LTBP1: variants seen among roughly 807,000 people sequenced by gnomAD.
The protein encoded by LTBP1 is latent transforming growth factor beta binding protein 1.
A neutral mutation model predicts 207.6 loss-of-function variants in LTBP1; 129 were observed. The ratio of observed to expected loss-of-function variants is 0.62; its 90% CI spans 0.54 to 0.72. LTBP1 has a LOEUF of 0.72. Ranked by LOEUF, LTBP1 falls within the 30% of genes least tolerant of loss-of-function variation. LTBP1 has a pLI of 0.00. For synonymous variants in LTBP1, 963 were observed against 833.7 expected, an observed-to-expected ratio of 1.16 and a Z score of -2.67; for missense variants, 2,281 against 2,217.2, an observed-to-expected ratio of 1.03 and a Z score of -0.58.
chr2:33,170,629 C>T (rs2085346334), intron 5 of LTBP1, among the ~76,000 whole-genome samples: 2 of 152,004 alleles, frequency 1.3e-5, no homozygotes, highest in Non-Finnish European at 2.9e-5. Context: ...ACTTAAATGT[C>T]CCTGTCTGAC....
chr2:33,137,055 G>A (rs1431596865), intron 5 of LTBP1, among the ~76,000 whole-genome samples: 1 of 152,058 alleles, frequency 6.6e-6, no homozygotes, highest in East Asian at 1.9e-4. Context: ...TTCAAATATT[G>A]GATAGTTTGA....
rs763384851 is a variant in LTBP1 at position 33,283,427 on chromosome 2, C to CTT, written c.3112+3295_3112+3296dup. Among the ~76,000 whole-genome samples, 276 of 68,914 alleles carry CTT rather than the reference C, an allele frequency of 4.0e-3. 40 individuals are homozygous for CTT. The highest frequency in any genetic ancestry group is 0.013 in the African/African-American group (209 of 16,678). The allele number at this position is 68,914 out of a possible 152,430, so 45.2% of individuals were successfully genotyped here. A position where few individuals can be genotyped will look rare whatever the true frequency, so the allele number is the denominator to read the frequency against. ...AAATTCTCCGTGATAACATTAAAGA[C>CTT]TTTTTTTTTTTTTTTTTTTTTTTTT... On this transcript the variant is annotated intron_variant, in intron 19 of 33. Transcript: ENST00000404816.
chr2:33,345,181 C>T (rs980625371), intron 25 of LTBP1, among the ~76,000 whole-genome samples: 2 of 152,212 alleles, frequency 1.3e-5, no homozygotes, highest in Admixed American at 1.3e-4. Context: ...CAGCTATTTG[C>T]TCCAGTATCA....
intron 19 of LTBP1, among the ~76,000 whole-genome samples, chr2:33,283,682 C>A (rs541131201): frequency 6.6e-6 from 1 of 152,010 alleles, no homozygotes; most frequent in Non-Finnish European, 1.5e-5. Context: ...GTGATCCACC[C>A]GCCTCGGCCT....
intron 5 of LTBP1, among the ~76,000 whole-genome samples, chr2:33,155,376 A>G (rs2083892661): frequency 6.6e-6 from 1 of 152,182 alleles, no homozygotes; most frequent in South Asian, 2.1e-4. Context: ...TCTCTAATAC[A>G]GATTATTAAA....
At chr2:33,253,587 G>A (rs2092742804) in intron 11 of LTBP1, among the ~76,000 whole-genome samples, 1 of 152,150 alleles carries the variant, frequency 6.6e-6, no homozygotes, top group African/African-American at 2.4e-5. Context: ...CTTACTTGGG[G>A]TGGACATTAA....
chr2:33,119,801 T>G (rs1021285714), intron 4 of LTBP1, among the ~76,000 whole-genome samples: 5 of 152,126 alleles, frequency 3.3e-5, no homozygotes, highest in Middle Eastern at 3.2e-3. Flanking sequence ...CTCGTGATCC[T>G]CCCGCCTTGG....
At chr2:33,106,710 T>G (rs542554081) in intron 3 of LTBP1, among the ~76,000 whole-genome samples, 15 of 152,126 alleles carry the variant, frequency 9.9e-5, no homozygotes, top group Non-Finnish European at 2.1e-4. Context: ...CAGGCTATGT[T>G]GTTGTAGAGC....
intron 11 of LTBP1, among the ~76,000 whole-genome samples, chr2:33,256,441 G>C (rs924816285): frequency 6.6e-6 from 1 of 151,898 alleles, no homozygotes; most frequent in Non-Finnish European, 1.5e-5. Context: ...GAAGCAAACT[G>C]TGAGGATTTC....
At chr2:33,174,796 T>A (rs1045710794) in intron 5 of LTBP1, among the ~76,000 whole-genome samples, 21 of 152,088 alleles carry the variant, frequency 1.4e-4, no homozygotes, top group Non-Finnish European at 2.4e-4. Context: ...ATGGTACTGG[T>A]ACCAAAACAG....
intron 8 of LTBP1, among the ~76,000 whole-genome samples, chr2:33,219,859 AT>A (rs923799107): frequency 6.1e-4 from 88 of 145,392 alleles, no homozygotes; most frequent in African/African-American, 1.8e-3. Flanking sequence ...CTGTCCTTTT[AT>A]TTTTTTTTTA....
chr2:33,064,226 G>T (rs1283036082), intron 3 of LTBP1, among the ~76,000 whole-genome samples: 1 of 152,102 alleles, frequency 6.6e-6, no homozygotes, highest in African/African-American at 2.4e-5. Flanking sequence ...CTAATATATA[G>T]AAATACATTT....
At position 33,134,104 on chromosome 2, in the gene LTBP1, C is replaced by T. The variant is rs1380473861; in HGVS notation, c.1034-689C>T. On this transcript the variant is annotated intron_variant, in intron 4 of 33. Transcript: ENST00000404816. This position sits in a 1 kb window ranked among gnomAD's most constrained non-coding sequence, Gnocchi z 4.4. Reference sequence around the variant, plus strand: ...GGAGGCAACCATTTATCCCTGTGACCTGGCTTACCCCTTTAAAGATGGGCC... The same window carrying T: ...GGAGGCAACCATTTATCCCTGTGACTTGGCTTACCCCTTTAAAGATGGGCC... Among the ~76,000 whole-genome samples, 1 of 152,200 alleles carries T rather than the reference C, an allele frequency of 6.6e-6. No individual in the cohort carries two copies. The highest frequency in any genetic ancestry group is 6.5e-5 in the Admixed American group (1 of 15,284).
At chr2:33,056,892 G>A (rs2077028102) in intron 3 of LTBP1, among the ~76,000 whole-genome samples, 1 of 152,104 alleles carries the variant, frequency 6.6e-6, no homozygotes, top group Admixed American at 6.5e-5. Flanking sequence ...CCCACATCCT[G>A]CCGATTGGTC....
intron 9 of LTBP1, among the ~76,000 whole-genome samples, chr2:33,222,487 C>T (rs2091175372): frequency 6.6e-6 from 1 of 152,156 alleles, no homozygotes; most frequent in Admixed American, 6.5e-5. Flanking sequence ...TGCAGGCACC[C>T]ACATGTACTT....
Position 33,110,694 on chromosome 2 carries a change from A to G in LTBP1, c.976A>G (p.Thr326Ala), listed in dbSNP as rs1363421964. ...GAAGGGGATTTCAGGAGAGCAGTCCACTGAAGGTTCTTTCCCTTTAAGATA... is the reference window on the plus strand; with the variant it reads ...GAAGGGGATTTCAGGAGAGCAGTCCGCTGAAGGTTCTTTCCCTTTAAGATA... The part of the protein sequence containing the change: ...AQKGISGEQS[T>A]EGSFPLRYVQ... The change falls in exon 4 of 34, where the codon ACT becomes GCT. Residue 326 changes from threonine (T) to alanine (A), a missense_variant. Thr to Ala is a moderately conservative substitution (Grantham distance 58, BLOSUM62 0). Coordinates refer to ENST00000404816, the MANE Select transcript of LTBP1 (RefSeq NM_206943.4). 1.2e-6 allele frequency: 2 copies of G among 1,614,080 alleles called. No homozygotes were observed. Among genetic ancestry groups the G allele is most frequent in the African/African-American group, 2.7e-5 (2 of 74,938 alleles).
chr2:33,016,645 C>G lies in LTBP1; in HGVS notation c.566-4264C>G, dbSNP rs570097805. Among the ~76,000 whole-genome samples, 198 of 152,232 alleles carry G rather than the reference C, an allele frequency of 1.3e-3. 1 individual carries two copies. The highest frequency in any genetic ancestry group is 4.5e-3 in the African/African-American group (188 of 41,536). The stretch of plus-strand genomic sequence containing the variant: ...CTTGATATAGCCTCCACTCAGCCTC[C>G]ACTCATCGAGCTGAACCACAGCACA... On this transcript the variant is annotated intron_variant, in intron 2 of 33. Transcript: ENST00000404816.
At chr2:33,332,289 T>C (rs550770494) in intron 24 of LTBP1, among the ~76,000 whole-genome samples, 12 of 148,706 alleles carry the variant, frequency 8.1e-5, no homozygotes, top group African/African-American at 3.0e-4. Context: ...TTACAGCTAC[T>C]TGGGAGGCTG....
At chr2:33,266,880 A>T (rs990234782) in intron 15 of LTBP1, among the ~76,000 whole-genome samples, 1 of 152,176 alleles carries the variant, frequency 6.6e-6, no homozygotes, top group Non-Finnish European at 1.5e-5. Context: ...TGAAAGAGCT[A>T]TGACACAAAC....
Sources: gnomAD v4.1 joint callset for allele counts (sites outside exome capture counted in the v4.1 genomes callset) on GRCh38, gnomAD v4.1.1 for gene constraint, Gnocchi (gnomAD v3.1) non-coding constraint, MANE v1.5 for transcripts, NCBI Gene and HGNC (gene_info 2026-07-23, HGNC 2026-07-21) for gene names.